FAT3: variants seen among roughly 807,000 people sequenced by gnomAD.
FAT3 encodes the protein protocadherin Fat 3.
In FAT3, 95 loss-of-function variants were observed where a neutral mutation model predicts 310.2. The observed-to-expected ratio is 0.31, with a 90% CI of 0.26 to 0.36. The LOEUF (loss-of-function observed/expected upper bound fraction) is 0.36, where lower values mean the gene tolerates loss of function less well. Among genes scored for constraint, FAT3 ranks in the 10% least tolerant of loss-of-function variants. The probability of loss-of-function intolerance (pLI) is 1.00; values close to 1 mark genes in which losing one functional copy is unlikely to be tolerated. For synonymous variants in FAT3, 2,314 were observed against 2,192.9 expected (o/e 1.06, Z -1.54); for missense variants, 5,408 against 5,715.6 (o/e 0.95, Z 1.74).
intron 1 of FAT3, among the ~76,000 whole-genome samples, chr11:92,282,995 A>G (rs1403899541): frequency 1.3e-5 from 2 of 152,136 alleles, no homozygotes; most frequent in Non-Finnish European, 2.9e-5. Flanking sequence ...GATATACTAA[A>G]TTGTTCACTT....
At chr11:92,749,554 A>G (rs748136294) in intron 4 of FAT3, among the ~76,000 whole-genome samples, 4 of 152,210 alleles carry the variant, frequency 2.6e-5, no homozygotes, top group Admixed American at 6.5e-5. Flanking sequence ...TAGTGACTCT[A>G]TGCTTTCCTG....
At position 92,866,805 on chromosome 11, in the gene FAT3, C is replaced by T. The variant is rs770021927; in HGVS notation, c.11723C>T (p.Ser3908Leu). Residue 3908 changes from serine (S) to leucine (L), a missense_variant, in exon 22 of 28, where the codon TCG becomes TTG. Physicochemically the swap from Ser to Leu is moderately radical, Grantham distance 145. Transcript: ENST00000525166. ...AGCGGCCCTGGAATCTTGGGCATCTCGGGCCGTGCTGTCAACGACGGGAGC... is the reference window on the plus strand; with the variant it reads ...AGCGGCCCTGGAATCTTGGGCATCTTGGGCCGTGCTGTCAACGACGGGAGC... ...CGSGPGILGI[S>L]GRAVNDGSWH... is the part of the protein sequence containing the mutation. The T allele has an allele frequency of 6.2e-7, 1 of 1,613,868 alleles. No individual in the cohort carries two copies.
At chr11:92,877,431 T>A (rs779711120) in intron 22 of FAT3, among the ~76,000 whole-genome samples, 1 of 152,102 alleles carries the variant, frequency 6.6e-6, no homozygotes, top group African/African-American at 2.4e-5. Context: ...AAATGCAGGG[T>A]CTCAGGACTG....
chr11:92,818,167 C>T (rs773080842), intron 13 of FAT3, among the ~76,000 whole-genome samples: 11 of 152,182 alleles, frequency 7.2e-5, no homozygotes, highest in Admixed American at 4.6e-4. Flanking sequence ...AATCTTCTAT[C>T]GTCAGCCTTC....
Position 92,891,216 on chromosome 11 carries a change from A to G in FAT3, c.*103A>G. The stretch of plus-strand genomic sequence containing the variant: ...GCATTGTCTGTGGAATGAGAAGGGA[A>G]TACTGTATTTTTCCACTAGAAACTT... On this transcript the variant is annotated 3_prime_UTR_variant, in exon 28 of 28. Transcript: ENST00000525166. 1 of 1,423,660 alleles carries G rather than the reference A, an allele frequency of 7.0e-7. No homozygotes were observed. The highest frequency in any genetic ancestry group is 9.5e-7 in the Non-Finnish European group (1 of 1,056,922). The allele number at this position is 1,423,660 out of a possible 1,614,324, so 88.2% of individuals were successfully genotyped here. A position where few individuals can be genotyped will look rare whatever the true frequency, so the allele number is the denominator to read the frequency against.
At position 92,890,476 on chromosome 11, in the gene FAT3, G is replaced by T; in HGVS notation, c.13148-15G>T. The T allele has an allele frequency of 6.3e-7, 1 of 1,597,614 alleles. No individual in the cohort carries two copies. Among genetic ancestry groups the T allele is most frequent in the Non-Finnish European group, 8.5e-7 (1 of 1,171,034 alleles). The stretch of plus-strand genomic sequence containing the variant: ...AGTCTAGAGGAAATTAACTGTCATG[G>T]TTTTTCTCTTGCAGCCTATCACTGG... On this transcript the variant is annotated splice_polypyrimidine_tract_variant and intron_variant, in intron 27 of 27. Coordinates refer to ENST00000525166, the MANE Select transcript of FAT3 (RefSeq NM_001367949.2).
At chr11:92,341,085 A>G (rs1591135431) in intron 1 of FAT3, among the ~76,000 whole-genome samples, 2 of 152,342 alleles carry the variant, frequency 1.3e-5, no homozygotes, top group Non-Finnish European at 2.9e-5. Context: ...GCCTTGGGAT[A>G]GTAACCCTGT....
chr11:92,583,537 G>GT (rs1383744915), intron 3 of FAT3, among the ~76,000 whole-genome samples: 2 of 151,944 alleles, frequency 1.3e-5, no homozygotes, highest in Admixed American at 6.6e-5. Context: ...AAATGATGTG[G>GT]TTTTTTGGCC....
At chr11:92,692,062 G>A (rs1943811446) in intron 3 of FAT3, among the ~76,000 whole-genome samples, 1 of 151,920 alleles carries the variant, frequency 6.6e-6, no homozygotes. Context: ...CAATGGAATG[G>A]CCACAAATCC....
intron 1 of FAT3, among the ~76,000 whole-genome samples, chr11:92,255,110 C>T (rs1045629168): frequency 9.2e-5 from 14 of 152,066 alleles, no homozygotes; most frequent in African/African-American, 1.4e-4. Flanking sequence ...TTTGCCTTTG[C>T]GGAAGCTACA....
In FAT3 at chr11:92,530,835, T is replaced by C. The variant is rs1231393564; in HGVS notation, c.3607+5887T>C. 2.6e-5 allele frequency among the ~76,000 whole-genome samples: 4 copies of C among 151,936 alleles called. No individual in the cohort carries two copies. In the East Asian group the frequency reaches 5.8e-4, roughly 22 times the overall value. ...CAGTTCCATGTGGTGGTAATCTGCT[T>C]AGAAAACCACCTTTTCTAGGAAAAG... is the stretch of plus-strand genomic sequence containing the variant. On this transcript the variant is annotated intron_variant, in intron 3 of 27. Coordinates refer to ENST00000525166, the MANE Select transcript of FAT3 (RefSeq NM_001367949.2).
In FAT3 at chr11:92,896,362, CAA is replaced by C. The variant is rs577171585; in HGVS notation, c.*5256_*5257del. On this transcript the variant is annotated 3_prime_UTR_variant, in exon 28 of 28. Coordinates refer to ENST00000525166, the MANE Select transcript of FAT3 (RefSeq NM_001367949.2). The stretch of plus-strand genomic sequence containing the variant: ...AAAAGCAAACAAAAAAAAAGACAGC[CAA>C]AAAAAAGAAACAACAACAACAAAAA... 1 of 143,896 alleles carries C rather than the reference CAA, an allele frequency of 6.9e-6. No homozygotes were observed. The highest frequency in any genetic ancestry group is 1.5e-5 in the Non-Finnish European group (1 of 65,402). The allele number at this position is 143,896 out of a possible 1,614,324, so 8.9% of individuals were successfully genotyped here. A position where few individuals can be genotyped will look rare whatever the true frequency, so the allele number is the denominator to read the frequency against.
At chr11:92,652,008 T>G (rs1290611570) in intron 3 of FAT3, among the ~76,000 whole-genome samples, 1 of 152,212 alleles carries the variant, frequency 6.6e-6, no homozygotes, top group African/African-American at 2.4e-5. Context: ...AGGTAAAGGA[T>G]TCACTTTTAT....
At chr11:92,674,781 G>A (rs974309149) in intron 3 of FAT3, among the ~76,000 whole-genome samples, 3 of 151,964 alleles carry the variant, frequency 2.0e-5, no homozygotes, top group Admixed American at 1.3e-4. Context: ...TTCCCACTTC[G>A]GCCTCCCAAA....
intron 1 of FAT3, among the ~76,000 whole-genome samples, chr11:92,319,980 G>C (rs1354992436): frequency 6.6e-6 from 1 of 152,166 alleles, no homozygotes; most frequent in Admixed American, 6.5e-5. Context: ...TCTTATGCAT[G>C]CTTCTCCCAA....
chr11:92,433,828 G>A (rs1048690360), intron 2 of FAT3, among the ~76,000 whole-genome samples: 1 of 151,486 alleles, frequency 6.6e-6, no homozygotes, highest in Admixed American at 6.6e-5. Context: ...GGTTAACATG[G>A]TGAAACCCCA....
intron 13 of FAT3, among the ~76,000 whole-genome samples, chr11:92,820,477 T>C (rs1947936906): frequency 6.6e-6 from 1 of 152,078 alleles, no homozygotes. Flanking sequence ...TTTTGGGAGA[T>C]CACAATTCAG....
Position 92,621,859 on chromosome 11 carries a change from C to T in FAT3, c.3608-75525C>T, listed in dbSNP as rs1021018147. Among the ~76,000 whole-genome samples the T allele has an allele frequency of 2.0e-5, 3 of 152,230 alleles. No individual in the cohort carries two copies. In the South Asian group the frequency reaches 6.2e-4, roughly 32 times the overall value. On this transcript the variant is annotated intron_variant, in intron 3 of 27. Coordinates refer to ENST00000525166, the MANE Select transcript of FAT3 (RefSeq NM_001367949.2). ...TTTTCACGCCACGATCAGCGGAGCC[C>T]TTTATCAGAAACCCCTAGGATGCGT...
Position 92,387,552 on chromosome 11 carries a change from A to G in FAT3, c.3292+32148A>G, listed in dbSNP as rs1016728367. 8.5e-5 allele frequency among the ~76,000 whole-genome samples: 13 copies of G among 152,146 alleles called. 2 individuals carry two copies. The highest frequency in any genetic ancestry group is 3.1e-4 in the African/African-American group (13 of 41,428). ...TCAAGATATTAGGGAGGGACAGTTC[A>G]CAGAATTTGTTAACCAGTGGTTGTG... On this transcript the variant is annotated intron_variant, in intron 2 of 27. Transcript: ENST00000525166.
Sources: gnomAD v4.1 joint callset for allele counts (sites outside exome capture counted in the v4.1 genomes callset) on GRCh38, gnomAD v4.1.1 for gene constraint, MANE v1.5 for transcripts, NCBI Gene and HGNC (gene_info 2026-07-23, HGNC 2026-07-21) for gene names.